The following KDM4C variants were observed in gnomAD, a reference collection of about 807,000 sequenced individuals.
KDM4C encodes lysine demethylase 4C, also known as lysine-specific demethylase 4C.
Under a neutral mutation model 129.3 loss-of-function variants are expected in KDM4C, and 81 were observed. That is an observed-to-expected ratio of 0.63 (90% CI 0.52 to 0.75). KDM4C has a LOEUF of 0.75. Ranked by LOEUF, KDM4C falls within the 30% of genes least tolerant of loss-of-function variation. KDM4C has a pLI of 0.00. For synonymous variants in KDM4C, 573 were observed against 456.1 expected (o/e 1.26, Z -3.26); for missense variants, 1,457 against 1,304.0 (o/e 1.12, Z -1.81).
rs1029901397 is a variant in KDM4C, at chr9:6,893,375, C to T, written c.921+143C>T. 30 of 517,780 alleles carry T rather than the reference C, an allele frequency of 5.8e-5. No homozygotes were observed. In the South Asian group the frequency reaches 6.7e-4, roughly 12 times the overall value. 32.1% of individuals were successfully genotyped at this position (517,780 alleles called of 1,614,324 possible). On this transcript the variant is annotated intron_variant, in intron 8 of 21. Coordinates refer to ENST00000381309, the MANE Select transcript of KDM4C (RefSeq NM_015061.6). The stretch of plus-strand genomic sequence containing the variant: ...TCACCACAGCAATTCACTTCAGGCT[C>T]GATACATTTATTTTACATAGCCAAT...
intron 5 of KDM4C, among the ~76,000 whole-genome samples, chr9:6,863,276 G>C (rs552320479): frequency 1.4e-4 from 21 of 151,924 alleles, no homozygotes; most frequent in African/African-American, 4.6e-4. Flanking sequence ...TTTTTCTTTG[G>C]GGCTTCATAC....
chr9:7,103,655 T>C lies in KDM4C; in HGVS notation c.2425-30T>C, dbSNP rs373006090. 44 of 1,557,062 alleles carry C rather than the reference T, an allele frequency of 2.8e-5. No individual in the cohort carries two copies. The African/African-American group carries it at 5.2e-4, about 18-fold the overall frequency. On this transcript the variant is annotated intron_variant, in intron 17 of 21. Coordinates refer to ENST00000381309, the MANE Select transcript of KDM4C (RefSeq NM_015061.6). Reference sequence around the variant, plus strand: ...AACTGACTGGGTTACAGAATGTGAATTGATGTTCTTCTCTGTTTTAACCTT... The same window carrying C: ...AACTGACTGGGTTACAGAATGTGAACTGATGTTCTTCTCTGTTTTAACCTT...
intron 17 of KDM4C, among the ~76,000 whole-genome samples, chr9:7,060,649 T>C (rs1273860595): frequency 1.3e-5 from 2 of 151,832 alleles, no homozygotes; most frequent in African/African-American, 4.8e-5. Flanking sequence ...GCCCAGCTAA[T>C]TTTTGTGTTT....
At position 6,791,725 on chromosome 9, in the gene KDM4C, G is replaced by A. The variant is rs147366059; in HGVS notation, c.-17-1247G>A. ...CATCTTTTGTAAACTTGCAAGGTTA[G>A]AAAATTCATTTTTACGGCCAGACAC... On this transcript the variant is annotated intron_variant, in intron 1 of 21. Coordinates refer to ENST00000381309, the MANE Select transcript of KDM4C (RefSeq NM_015061.6). 5.5e-3 allele frequency among the ~76,000 whole-genome samples: 832 copies of A among 152,262 alleles called. 7 individuals carry two copies. The highest frequency in any genetic ancestry group is 0.01 in the Middle Eastern group (3 of 294).
intron 8 of KDM4C, among the ~76,000 whole-genome samples, chr9:6,912,879 T>A (rs1437421380): frequency 6.6e-6 from 1 of 152,200 alleles, no homozygotes; most frequent in African/African-American, 2.4e-5. Flanking sequence ...AAAAGAATAT[T>A]TTTTTTCACT....
chr9:6,943,467 A>C (rs6477130), intron 8 of KDM4C, among the ~76,000 whole-genome samples: 8 of 151,768 alleles, frequency 5.3e-5, no homozygotes, highest in South Asian at 4.1e-4. Context: ...CTGGCACTTC[A>C]GGACGCCTAG....
rs1027311588 is a variant in KDM4C at position 6,744,479 on chromosome 9, C to T, written c.49+23482C>T. Among the ~76,000 whole-genome samples the T allele has an allele frequency of 3.9e-5, 6 of 152,090 alleles. No individual in the cohort carries two copies. In the East Asian group the frequency reaches 5.8e-4, roughly 15 times the overall value. On this transcript the variant is annotated intron_variant, in intron 1 of 17. Coordinates refer to the KDM4C transcript ENST00000536108. ...GGCGGAGGTTGCAGTGAGCTGAGAT[C>T]GCACCACTGCCCTCCAGTGTGGCGA...
chr9:6,993,532 G>A (rs910088030), intron 12 of KDM4C, among the ~76,000 whole-genome samples: 1 of 152,126 alleles, frequency 6.6e-6, no homozygotes, highest in Non-Finnish European at 1.5e-5. Flanking sequence ...GGATATGTAC[G>A]TATTCTTCTG....
rs149256825 is a variant in KDM4C at position 6,955,028 on chromosome 9, G to A, written c.922-25897G>A. ...TTAGTTTGCTAACGTGAACAATGAT[G>A]TACTAAAGGAATTTTGTGGCTAGAC... On this transcript the variant is annotated intron_variant, in intron 8 of 21. Transcript: ENST00000381309. 3.2e-3 allele frequency among the ~76,000 whole-genome samples: 488 copies of A among 152,306 alleles called. 2 individuals carry two copies. The highest frequency in any genetic ancestry group is 0.01 in the African/African-American group (434 of 41,566).
intron 8 of KDM4C, among the ~76,000 whole-genome samples, chr9:6,918,653 C>G (rs1820773149): frequency 6.6e-6 from 1 of 152,130 alleles, no homozygotes; most frequent in Non-Finnish European, 1.5e-5. Context: ...TATGTGTTCC[C>G]CCTTCTCTAC....
In KDM4C at chr9:6,764,947, T is replaced by C. The variant is rs114306548; in HGVS notation, c.-18+6744T>C. Among the ~76,000 whole-genome samples, 1,049 of 152,318 alleles carry C rather than the reference T, an allele frequency of 6.9e-3. 14 individuals carry two copies. The highest frequency in any genetic ancestry group is 0.024 in the African/African-American group (991 of 41,574). On this transcript the variant is annotated intron_variant, in intron 1 of 21. Coordinates refer to ENST00000381309, the MANE Select transcript of KDM4C (RefSeq NM_015061.6). ...TGCTCACTCATTTCATTATGAGTTA[T>C]CCAACACTTCATGGTTCCTCAGCCC... is the stretch of plus-strand genomic sequence containing the variant.
intron 19 of KDM4C, among the ~76,000 whole-genome samples, chr9:7,131,525 C>T (rs1840641374): frequency 6.6e-6 from 1 of 152,094 alleles, no homozygotes; most frequent in Non-Finnish European, 1.5e-5. Context: ...ACCATGTTGC[C>T]CAGGCTGGTC....
chr9:7,133,294 C>T (rs1275974606), intron 19 of KDM4C, among the ~76,000 whole-genome samples: 1 of 151,984 alleles, frequency 6.6e-6, no homozygotes, highest in African/African-American at 2.4e-5. Flanking sequence ...AAGATGTGTC[C>T]TCAGAACTTC....
intron 15 of KDM4C, among the ~76,000 whole-genome samples, chr9:7,020,065 G>C (rs991466890): frequency 1.3e-5 from 2 of 152,130 alleles, no homozygotes; most frequent in African/African-American, 4.8e-5. Context: ...CATTTCTAAA[G>C]ATTAGCTTCA....
intron 19 of KDM4C, among the ~76,000 whole-genome samples, chr9:7,155,166 C>T (rs1011402366): frequency 1.3e-5 from 2 of 152,074 alleles, no homozygotes; most frequent in Admixed American, 6.5e-5. Context: ...ATGTGTGCCC[C>T]AGGGTTGGGA....
At chr9:6,977,613 C>G (rs1833149717) in intron 8 of KDM4C, among the ~76,000 whole-genome samples, 1 of 152,144 alleles carries the variant, frequency 6.6e-6, no homozygotes, top group Non-Finnish European at 1.5e-5. Flanking sequence ...ACCTTGGACA[C>G]CTGGGCAGTA....
intron 5 of KDM4C, among the ~76,000 whole-genome samples, chr9:6,861,151 C>G (rs1840852068): frequency 6.6e-6 from 1 of 152,206 alleles, no homozygotes; most frequent in East Asian, 1.9e-4. Flanking sequence ...CAACATTGGT[C>G]TTTTTTCTTG....
At chr9:6,802,560 A>T (rs1343136697) in intron 2 of KDM4C, among the ~76,000 whole-genome samples, 1 of 152,232 alleles carries the variant, frequency 6.6e-6, no homozygotes, top group Non-Finnish European at 1.5e-5. Context: ...AATATTTATA[A>T]GACAAAATAC....
intron 4 of KDM4C, among the ~76,000 whole-genome samples, chr9:6,821,173 G>T (rs1297967799): frequency 1.3e-5 from 2 of 151,504 alleles, no homozygotes; most frequent in Non-Finnish European, 2.9e-5. Flanking sequence ...TAGTGCAGCA[G>T]TAAACATATG....
Sources: gnomAD v4.1 joint callset for allele counts (sites outside exome capture counted in the v4.1 genomes callset) on GRCh38, gnomAD v4.1.1 for gene constraint, MANE v1.5 for transcripts, NCBI Gene and HGNC (gene_info 2026-07-23, HGNC 2026-07-21) for gene names.